Variants in CDH1 observed in about 807,000 individuals in gnomAD.
The protein encoded by CDH1 is cadherin-1.
CDH1 carries 35 observed loss-of-function variants against 84.5 expected under a neutral mutation model. The observed-to-expected ratio is 0.41, with a 90% CI of 0.32 to 0.55. The LOEUF (loss-of-function observed/expected upper bound fraction) is 0.55, where lower values mean the gene tolerates loss of function less well. Ranked by LOEUF, CDH1 falls within the 20% of genes least tolerant of loss-of-function variation. CDH1 has a pLI of 0.19. For synonymous variants in CDH1, 417 were observed against 439.0 expected (o/e 0.95, Z 0.63); for missense variants, 994 against 1,126.6 (o/e 0.88, Z 1.68).
rs187139268 is a variant in CDH1 at position 68,759,745 on chromosome 16, C to T, written c.163+21334C>T. 4.1e-4 allele frequency among the ~76,000 whole-genome samples: 63 copies of T among 152,256 alleles called. 2 individuals carry two copies. Among genetic ancestry groups the T allele is most frequent in the Middle Eastern group, 3.4e-3 (1 of 294 alleles). ...ACCTCAGGTGATCTGCCTTGGCCTC[C>T]CAAAGTGCTAGGATTATAGATTATA... On this transcript the variant is annotated intron_variant, in intron 2 of 15. Coordinates refer to ENST00000261769, the MANE Select transcript of CDH1 (RefSeq NM_004360.5).
intron 2 of CDH1, among the ~76,000 whole-genome samples, chr16:68,741,380 C>G (rs1483548509): frequency 6.6e-6 from 1 of 152,146 alleles, no homozygotes; most frequent in Non-Finnish European, 1.5e-5. Flanking sequence ...TGGCCTGACT[C>G]TCTTTGGACA....
At chr16:68,764,211 CTT>C (rs1362142458) in intron 2 of CDH1, among the ~76,000 whole-genome samples, 1 of 152,192 alleles carries the variant, frequency 6.6e-6, no homozygotes, top group African/African-American at 2.4e-5. Flanking sequence ...ATGTCTACAT[CTT>C]TCATCAGATT....
intron 2 of CDH1, among the ~76,000 whole-genome samples, chr16:68,793,814 C>A (rs998697663): frequency 4.6e-5 from 7 of 151,936 alleles, no homozygotes; most frequent in African/African-American, 9.7e-5. Context: ...ATCCCTCGAA[C>A]CCGGGAGGCA....
Position 68,738,362 on chromosome 16 carries a change from G to C in CDH1, c.114G>C (p.Thr38=), listed in dbSNP as rs786201492. ...CHPGFDAESY[T]FTVPRRHLER... ...CTGGCTTTGACGCCGAGAGCTACACGTTCACGGTGCCCCGGCGCCACCTGG... is the reference window on the plus strand; with the variant it reads ...CTGGCTTTGACGCCGAGAGCTACACCTTCACGGTGCCCCGGCGCCACCTGG... The change falls in exon 2 of 16, where the codon ACG becomes ACC. Residue 38 remains threonine, a synonymous_variant. Coordinates refer to ENST00000261769, the MANE Select transcript of CDH1 (RefSeq NM_004360.5). 3.9e-6 allele frequency: 6 copies of C among 1,551,036 alleles called. No individual in the cohort carries two copies. Among genetic ancestry groups the C allele is most frequent in the East Asian group, 4.9e-5 (2 of 40,956 alleles).
In CDH1 at chr16:68,801,782, T is replaced by G. The variant is rs770967343; in HGVS notation, c.276T>G (p.His92Gln). 19 of 1,614,228 alleles carry G rather than the reference T, an allele frequency of 1.2e-5. No individual in the cohort carries two copies. The South Asian group carries it at 2.0e-4, about 17-fold the overall frequency. Reference sequence around the variant, plus strand: ...CAGTCAAAAGGCCTCTACGGTTTCATAACCCACAGATCCATTTCTTGGTCT... The same window carrying G: ...CAGTCAAAAGGCCTCTACGGTTTCAGAACCCACAGATCCATTTCTTGGTCT... ...VITVKRPLRF[H>Q]NPQIHFLVYA... is the part of the protein sequence containing the mutation. Residue 92 changes from histidine to glutamine, a missense_variant, in exon 3 of 16, where the codon CAT (histidine) becomes CAG (glutamine). Physicochemically the swap from His to Gln is conservative, Grantham distance 24 (BLOSUM62 0). Around this residue, in one of 3 missense-constraint regions of CDH1, gnomAD observed 203 missense variants for 194.0 expected, o/e 1.05. Transcript: ENST00000261769.
At chr16:68,786,234 C>T (rs987446232) in intron 2 of CDH1, among the ~76,000 whole-genome samples, 1 of 151,950 alleles carries the variant, frequency 6.6e-6, no homozygotes, top group Non-Finnish European at 1.5e-5. Flanking sequence ...TGCAGTGATG[C>T]GATATTGGCT....
At chr16:68,753,761 A>T (rs1308696229) in intron 2 of CDH1, among the ~76,000 whole-genome samples, 1 of 152,218 alleles carries the variant, frequency 6.6e-6, no homozygotes, top group African/African-American at 2.4e-5. Context: ...ACTTTCAGAT[A>T]AACGATGGCT....
intron 2 of CDH1, among the ~76,000 whole-genome samples, chr16:68,783,923 C>A (rs1264312423): frequency 6.6e-6 from 1 of 152,226 alleles, no homozygotes; most frequent in East Asian, 1.9e-4. Flanking sequence ...GCAATCTACC[C>A]ACCTCGGCCT....
At chr16:68,745,545 A>ATATATCTATATATATATGT (rs1399448265) in intron 2 of CDH1, among the ~76,000 whole-genome samples, 1 of 19,442 alleles carries the variant, frequency 5.1e-5, no homozygotes, top group African/African-American at 1.1e-4. Flanking sequence ...AAAAAAAAAA[A>ATATATCTATATATATATGT]AAAAATATAT....
chr16:68,777,834 C>T (rs35648619), intron 2 of CDH1, among the ~76,000 whole-genome samples: 42,564 of 151,596 alleles, frequency 0.28, 6,066 homozygotes, highest in Middle Eastern at 0.34. Context: ...CAGGTTCAAG[C>T]GATTCTCCTG....
rs1333675703 is a variant in CDH1, at chr16:68,743,353, TTCTTTC to T, written c.163+4944_163+4949del. ...TTTCTTTCTTTCTTTCTTTCTTTCT[TTCTTTC>T]TTTCTTTTCTTTTCTTTCTTTTGAG... is the stretch of plus-strand genomic sequence containing the variant. On this transcript the variant is annotated intron_variant, in intron 2 of 15. Transcript: ENST00000261769. Among the ~76,000 whole-genome samples, 20 of 15,452 alleles carry T rather than the reference TTCTTTC, an allele frequency of 1.3e-3. 4 individuals carry two copies. The highest frequency in any genetic ancestry group is 3.4e-3 in the Admixed American group (6 of 1,776). The allele number at this position is 15,452 out of a possible 152,430, so 10.1% of individuals were successfully genotyped here.
intron 2 of CDH1, among the ~76,000 whole-genome samples, chr16:68,771,750 CA>C (rs34703363): frequency 0.5 from 69,879 of 140,540 alleles, 17,776 homozygotes; most frequent in Non-Finnish European, 0.58. Context: ...GACTCCCTCT[CA>C]AAAAAAAAAA....
chr16:68,750,048 G>A (rs1962847814), intron 2 of CDH1, among the ~76,000 whole-genome samples: 1 of 151,268 alleles, frequency 6.6e-6, no homozygotes, highest in Admixed American at 6.6e-5. Flanking sequence ...CTGGGCTCAA[G>A]CAATCCTCCC....
At position 68,833,577 on chromosome 16, in the gene CDH1, C is replaced by T; in HGVS notation, c.*78C>T. The T allele has an allele frequency of 8.7e-7, 1 of 1,152,396 alleles. No homozygotes were observed. The allele number at this position is 1,152,396 out of a possible 1,614,324, so 71.4% of individuals were successfully genotyped here. A position where few individuals can be genotyped will look rare whatever the true frequency, so the allele number is the denominator to read the frequency against. ...ACGTTGCTGGTGGTTTTTCAGCTCC[C>T]TTCCCTTGAGATGAGTTTCTGGGGA... is the stretch of plus-strand genomic sequence containing the variant. On this transcript the variant is annotated 3_prime_UTR_variant, in exon 16 of 16. Transcript: ENST00000261769.
Position 68,829,691 on chromosome 16 carries a change from C to A in CDH1, c.2333C>A (p.Ala778Asp), listed in dbSNP as rs876659951. The change falls in exon 15 of 16, where the codon GCT becomes GAT. Residue 778 changes from alanine to aspartate, a missense_variant. Physicochemically the swap from Ala to Asp is moderately radical, Grantham distance 126. Coordinates refer to ENST00000261769, the MANE Select transcript of CDH1 (RefSeq NM_004360.5). ...DLSQLHRGLD[A>D]RPEVTRNDVA... ...AGCCAGCTGCACAGGGGCCTGGACG[C>A]TCGGCCTGAAGTGACTCGTAACGAC... The A allele has an allele frequency of 1.2e-6, 2 of 1,614,058 alleles. No individual in the cohort carries two copies. The highest frequency in any genetic ancestry group is 1.7e-6 in the Non-Finnish European group (2 of 1,180,048).
At chr16:68,829,076 A>C (rs1380216425) in intron 14 of CDH1, among the ~76,000 whole-genome samples, 2 of 152,170 alleles carry the variant, frequency 1.3e-5, no homozygotes, top group African/African-American at 4.8e-5. Flanking sequence ...TATCTTTCTC[A>C]TGTACCGTGG....
chr16:68,782,134 G>C (rs1197051358), intron 2 of CDH1, among the ~76,000 whole-genome samples: 1 of 152,050 alleles, frequency 6.6e-6, no homozygotes, highest in East Asian at 1.9e-4. Flanking sequence ...CTTCCTTCTG[G>C]CTCCACAGGC....
rs756154578 is a variant in CDH1, at chr16:68,811,871, G to A, written c.1008+12G>A. ...GGCTGGACCGAGAGGTCAGGGGTCA[G>A]GAGGATCCAGAGGGTGTGGAGGACA... On this transcript the variant is annotated intron_variant, in intron 7 of 15. Coordinates refer to ENST00000261769, the MANE Select transcript of CDH1 (RefSeq NM_004360.5). 6.2e-7 allele frequency: 1 copy of A among 1,613,908 alleles called. No homozygotes were observed. The highest frequency in any genetic ancestry group is 8.5e-7 in the Non-Finnish European group (1 of 1,179,904).
chr16:68,768,823 A>G (rs928301544), intron 2 of CDH1, among the ~76,000 whole-genome samples: 1 of 152,218 alleles, frequency 6.6e-6, no homozygotes, highest in African/African-American at 2.4e-5. Flanking sequence ...TATAAATGCA[A>G]GTATAAGTAA....
Sources: gnomAD v4.1 joint callset for allele counts (sites outside exome capture counted in the v4.1 genomes callset) on GRCh38, gnomAD v4.1.1 for gene constraint, gnomAD v4.1.1 regional missense constraint, MANE v1.5 for transcripts, NCBI Gene and HGNC (gene_info 2026-07-23, HGNC 2026-07-21) for gene names.